The following PLXDC2 variants were observed in gnomAD, a reference collection of about 807,000 sequenced individuals.
The protein encoded by PLXDC2 is plexin domain containing 2.
Under a neutral mutation model 68.9 loss-of-function variants are expected in PLXDC2, and 40 were observed. The observed-to-expected ratio is 0.58, with a 90% CI of 0.45 to 0.76. PLXDC2 has a LOEUF of 0.76. PLXDC2 is among the 30% of genes least tolerant of loss of function. PLXDC2 has a pLI of 0.00. For missense variants in PLXDC2, 644 were observed against 661.9 expected, an observed-to-expected ratio of 0.97 and a Z score of 0.30; for synonymous variants, 243 against 234.2, an observed-to-expected ratio of 1.04 and a Z score of -0.34.
rs1413446237 is a variant in PLXDC2, at chr10:20,146,484, T to TTC, written c.665-1300_665-1299insTC. Among the ~76,000 whole-genome samples the TTC allele has an allele frequency of 9.5e-4, 70 of 73,434 alleles. 1 individual carries two copies. The highest frequency in any genetic ancestry group is 2.5e-3 in the African/African-American group (52 of 21,128). The allele number at this position is 73,434 out of a possible 152,430, so 48.2% of individuals were successfully genotyped here. ...CTTCCTTCCTTTCTTTCTTTTCTTT[T>TTC]CTTTTTCCTTCCTTCCTTCCTTCCT... is the stretch of plus-strand genomic sequence containing the variant. On this transcript the variant is annotated intron_variant, in intron 5 of 13. Coordinates refer to ENST00000377252, the MANE Select transcript of PLXDC2 (RefSeq NM_032812.9).
chr10:19,844,207 G>A (rs568206135), intron 1 of PLXDC2, among the ~76,000 whole-genome samples: 24 of 152,310 alleles, frequency 1.6e-4, no homozygotes, highest in South Asian at 1.2e-3. Context: ...TGTGAAGAGC[G>A]AAAGTATGAT....
chr10:20,223,201 T>G (rs530863991), intron 12 of PLXDC2, among the ~76,000 whole-genome samples: 2 of 152,272 alleles, frequency 1.3e-5, no homozygotes, highest in African/African-American at 4.8e-5. Context: ...ACAAAAATGT[T>G]AAGTTATGTA....
chr10:20,099,562 G>A (rs1589628756), intron 4 of PLXDC2, among the ~76,000 whole-genome samples: 1 of 152,146 alleles, frequency 6.6e-6, no homozygotes, highest in African/African-American at 2.4e-5. Flanking sequence ...TATATTGATT[G>A]TGTGGGGTTT....
Position 20,177,381 on chromosome 10 carries a change from A to C in PLXDC2, c.1033A>C (p.Asn345His). 1 of 1,593,136 alleles carries C rather than the reference A, an allele frequency of 6.3e-7. No homozygotes were observed. The highest frequency in any genetic ancestry group is 1.1e-5 in the South Asian group (1 of 90,444). Reference sequence around the variant, plus strand: ...CTGTGTATCTTCTCAGATTGGCTTCAACTGCAGTTGGTGTAGTAAACTTCA... The same window carrying C: ...CTGTGTATCTTCTCAGATTGGCTTCCACTGCAGTTGGTGTAGTAAACTTCA... ...GPCVSSQIGF[N>H]CSWCSKLQRC... The change falls in exon 9 of 14, where the codon AAC (asparagine) becomes CAC (histidine). Residue 345 changes from asparagine to histidine, a missense_variant. By Grantham distance (68) the Asn-to-His change is moderately conservative (BLOSUM62 1). Around this residue, in one of 3 missense-constraint regions of PLXDC2, gnomAD observed 330 missense variants for 327.9 expected, o/e 1.01. Coordinates refer to ENST00000377252, the MANE Select transcript of PLXDC2 (RefSeq NM_032812.9).
chr10:20,262,368 TA>T (rs1282005991), intron 13 of PLXDC2, among the ~76,000 whole-genome samples: 1 of 152,212 alleles, frequency 6.6e-6, no homozygotes, highest in African/African-American at 2.4e-5. Context: ...AGTGTGATAT[TA>T]AAAAATTATG....
At chr10:20,078,436 G>A (rs182599383) in intron 4 of PLXDC2, among the ~76,000 whole-genome samples, 4 of 152,198 alleles carry the variant, frequency 2.6e-5, no homozygotes, top group Non-Finnish European at 4.4e-5. Context: ...AGATAATTGA[G>A]TGCTCCCAAT....
chr10:20,220,732 C>A (rs1835198625), intron 12 of PLXDC2, among the ~76,000 whole-genome samples: 1 of 151,760 alleles, frequency 6.6e-6, no homozygotes. Context: ...CAGAAGTGAA[C>A]AAGGCTTAGA....
intron 1 of PLXDC2, among the ~76,000 whole-genome samples, chr10:19,825,485 A>T (rs1471966742): frequency 6.6e-6 from 1 of 152,144 alleles, no homozygotes. Context: ...AGGATACTGT[A>T]TTCTTGGGTC....
intron 2 of PLXDC2, among the ~76,000 whole-genome samples, chr10:20,035,711 A>T: frequency 6.6e-6 from 1 of 152,088 alleles, no homozygotes; most frequent in Non-Finnish European, 1.5e-5. Flanking sequence ...AATAAATAAA[A>T]AATTTTAAAA....
chr10:19,982,578 G>A (rs1393115189), intron 1 of PLXDC2, among the ~76,000 whole-genome samples: 1 of 152,154 alleles, frequency 6.6e-6, no homozygotes, highest in Non-Finnish European at 1.5e-5. Flanking sequence ...ATCGGTAGGT[G>A]ATATGATTGT....
chr10:20,198,828 G>A (rs889585171), intron 9 of PLXDC2, among the ~76,000 whole-genome samples: 1 of 152,058 alleles, frequency 6.6e-6, no homozygotes, highest in Non-Finnish European at 1.5e-5. Flanking sequence ...GGCAGAAAGC[G>A]ATTAATGATT....
chr10:19,951,849 C>T lies in PLXDC2; in HGVS notation c.113-49926C>T, dbSNP rs139393655. 3.1e-3 allele frequency among the ~76,000 whole-genome samples: 468 copies of T among 152,294 alleles called. 2 individuals carry two copies. Among genetic ancestry groups the T allele is most frequent in the African/African-American group, 0.011 (442 of 41,562 alleles). Reference sequence around the variant, plus strand: ...AACAAAATTATGTCCTTTGCAGCAACATGGATGCAGCTAGAGACCCTAATC... The same window carrying T: ...AACAAAATTATGTCCTTTGCAGCAATATGGATGCAGCTAGAGACCCTAATC... On this transcript the variant is annotated intron_variant, in intron 1 of 13. Coordinates refer to ENST00000377252, the MANE Select transcript of PLXDC2 (RefSeq NM_032812.9).
chr10:19,978,200 T>G (rs2131617586), intron 1 of PLXDC2, among the ~76,000 whole-genome samples: 1 of 152,314 alleles, frequency 6.6e-6, no homozygotes, highest in African/African-American at 2.4e-5. Flanking sequence ...TTTAGTGAGT[T>G]TTATAGTAAT....
chr10:19,913,249 G>A (rs1056228250), intron 1 of PLXDC2, among the ~76,000 whole-genome samples: 9 of 152,140 alleles, frequency 5.9e-5, no homozygotes, highest in East Asian at 3.9e-4. Context: ...TGCTGTTCTT[G>A]TGATAGAGGT....
chr10:19,822,268 A>C (rs1005405327), intron 1 of PLXDC2, among the ~76,000 whole-genome samples: 3 of 149,340 alleles, frequency 2.0e-5, no homozygotes, highest in Admixed American at 6.7e-5. Context: ...TGCAATATAT[A>C]TAATATATGC....
intron 4 of PLXDC2, among the ~76,000 whole-genome samples, chr10:20,086,177 C>A (rs1037739738): frequency 2.0e-5 from 3 of 151,790 alleles, no homozygotes; most frequent in Non-Finnish European, 4.4e-5. Flanking sequence ...TGCTTGTTGA[C>A]GAGACAGGGT....
intron 6 of PLXDC2, among the ~76,000 whole-genome samples, chr10:20,153,704 C>A (rs1168980867): frequency 6.6e-6 from 1 of 152,258 alleles, no homozygotes; most frequent in South Asian, 2.1e-4. Flanking sequence ...TGAGTAGCTA[C>A]TTTTGTCATT....
At chr10:19,978,437 T>C (rs1360664604) in intron 1 of PLXDC2, among the ~76,000 whole-genome samples, 1 of 152,206 alleles carries the variant, frequency 6.6e-6, no homozygotes, top group Non-Finnish European at 1.5e-5. Context: ...TTGATTCATA[T>C]GTGCAGTAAA....
intron 1 of PLXDC2, among the ~76,000 whole-genome samples, chr10:19,870,818 A>G (rs1215674488): frequency 6.6e-6 from 1 of 152,204 alleles, no homozygotes; most frequent in Non-Finnish European, 1.5e-5. Flanking sequence ...GAGGAGAGAA[A>G]ATCTGTCATA....
Sources: gnomAD v4.1 joint callset for allele counts (sites outside exome capture counted in the v4.1 genomes callset) on GRCh38, gnomAD v4.1.1 for gene constraint, gnomAD v4.1.1 regional missense constraint, MANE v1.5 for transcripts, NCBI Gene and HGNC (gene_info 2026-07-23, HGNC 2026-07-21) for gene names.